The following PDE1A variants were observed in gnomAD, a reference collection of about 807,000 sequenced individuals.
PDE1A encodes phosphodiesterase 1A.
In PDE1A, 35 loss-of-function variants were observed where a neutral mutation model predicts 61.7. That is an observed-to-expected ratio of 0.57 (90% CI 0.43 to 0.75). PDE1A has a LOEUF of 0.75. PDE1A is among the 30% of genes least tolerant of loss of function. The pLI, the probability that PDE1A is intolerant of heterozygous loss-of-function variation, is 0.00. For synonymous variants in PDE1A, 232 were observed against 213.2 expected, an observed-to-expected ratio of 1.09 and a Z score of -0.77; for missense variants, 597 against 630.6, an observed-to-expected ratio of 0.95 and a Z score of 0.57.
chr2:182,649,050 G>C, the PDE1A span, among the ~76,000 whole-genome samples: 2 of 152,156 alleles, frequency 1.3e-5, no homozygotes, highest in African/African-American at 2.4e-5. Flanking sequence ...AAATTGTGAG[G>C]TGTGTGTAAG....
At chr2:182,373,489 A>C (rs1481868876) in intron 1 of PDE1A, among the ~76,000 whole-genome samples, 2 of 152,228 alleles carry the variant, frequency 1.3e-5, no homozygotes, top group Non-Finnish European at 2.9e-5. Context: ...TGGTGGGCTT[A>C]AAAACAGAAA....
At chr2:182,364,178 G>A (rs1699677057) in intron 1 of PDE1A, among the ~76,000 whole-genome samples, 2 of 151,812 alleles carry the variant, frequency 1.3e-5, no homozygotes, top group Admixed American at 6.6e-5. Context: ...GCTTCTTCAA[G>A]GTAACTCTGG....
At chr2:182,169,731 A>G (rs1037567958) in intron 13 of PDE1A, among the ~76,000 whole-genome samples, 5 of 152,032 alleles carry the variant, frequency 3.3e-5, no homozygotes, top group Non-Finnish European at 7.4e-5. Context: ...CTGATAATTC[A>G]TCTTCCTACC....
At chr2:182,449,087 A>ACAC (rs1460786874) in intron 2 of PDE1A, among the ~76,000 whole-genome samples, 8,946 of 140,744 alleles carry the variant, frequency 0.064, 345 homozygotes, top group African/African-American at 0.1. Context: ...CACACACACA[A>ACAC]ACAAAACCCA....
At chr2:182,451,018 A>G (rs1180606226) in intron 2 of PDE1A, among the ~76,000 whole-genome samples, 3 of 152,110 alleles carry the variant, frequency 2.0e-5, no homozygotes, top group Non-Finnish European at 4.4e-5. Flanking sequence ...TTGGGTTCTG[A>G]GTCTCATTTA....
the PDE1A span, among the ~76,000 whole-genome samples, chr2:182,541,133 T>C: frequency 6.6e-6 from 1 of 152,132 alleles, no homozygotes; most frequent in East Asian, 1.9e-4. Context: ...TATACAACAA[T>C]ATCTAATCTA....
At chr2:182,171,830 T>C (rs1306264314) in intron 13 of PDE1A, among the ~76,000 whole-genome samples, 1 of 151,398 alleles carries the variant, frequency 6.6e-6, no homozygotes. Context: ...AAGACTTAGC[T>C]TACTCTGCCC....
intron 1 of PDE1A, among the ~76,000 whole-genome samples, chr2:182,396,700 G>A (rs1350902793): frequency 6.6e-6 from 1 of 152,032 alleles, no homozygotes; most frequent in Non-Finnish European, 1.5e-5. Flanking sequence ...TAGCATTTAG[G>A]TTAAGGATTA....
At chr2:182,374,751 C>A (rs796928186) in intron 1 of PDE1A, among the ~76,000 whole-genome samples, 1 of 152,286 alleles carries the variant, frequency 6.6e-6, no homozygotes, top group African/African-American at 2.4e-5. Flanking sequence ...AAGGGAAATA[C>A]AAATTAAATC....
At chr2:182,610,944 T>C in the PDE1A span, among the ~76,000 whole-genome samples, 2 of 152,188 alleles carry the variant, frequency 1.3e-5, no homozygotes, top group Non-Finnish European at 2.9e-5. Flanking sequence ...ATACAAAATG[T>C]AAAAAACACA....
chr2:182,243,206 G>A (rs1574127100), intron 2 of PDE1A, among the ~76,000 whole-genome samples: 1 of 151,942 alleles, frequency 6.6e-6, no homozygotes, highest in South Asian at 2.1e-4. Flanking sequence ...ACTAAATGAA[G>A]TGATTAAAAA....
chr2:182,565,464 CT>C, the PDE1A span, among the ~76,000 whole-genome samples: 1 of 152,148 alleles, frequency 6.6e-6, no homozygotes, highest in Non-Finnish European at 1.5e-5. Flanking sequence ...TCTGCCCCTA[CT>C]GGGGGGTGCC....
intron 2 of PDE1A, among the ~76,000 whole-genome samples, chr2:182,493,842 A>G (rs979328526): frequency 2.6e-5 from 4 of 152,130 alleles, no homozygotes; most frequent in African/African-American, 7.2e-5. Flanking sequence ...ACCAAACACC[A>G]CATGTTAGGC....
intron 1 of PDE1A, among the ~76,000 whole-genome samples, chr2:182,295,136 G>A (rs1238417581): frequency 2.2e-5 from 3 of 134,652 alleles, no homozygotes; most frequent in Non-Finnish European, 4.6e-5. Flanking sequence ...CTGCAGTGGC[G>A]CAATCTCGGC....
chr2:182,262,243 C>CT (rs926669674), intron 2 of PDE1A, among the ~76,000 whole-genome samples: 2 of 63,432 alleles, frequency 3.2e-5, no homozygotes, highest in African/African-American at 7.4e-5. Context: ...TTTCTTTCTT[C>CT]TTTTTTTATT....
At chr2:182,342,972 C>T (rs1370665) in intron 1 of PDE1A, among the ~76,000 whole-genome samples, 54,126 of 152,072 alleles carry the variant, frequency 0.36, 10,751 homozygotes, top group Middle Eastern at 0.48. Context: ...TATGCACATA[C>T]ATGCGTTCAC....
chr2:182,413,092 G>A (rs898785951), intron 1 of PDE1A, among the ~76,000 whole-genome samples: 2 of 152,130 alleles, frequency 1.3e-5, no homozygotes, highest in African/African-American at 4.8e-5. Context: ...GCGTAAGACA[G>A]GTCCTAGGAG....
chr2:182,575,287 C>A, the PDE1A span, among the ~76,000 whole-genome samples: 1 of 152,014 alleles, frequency 6.6e-6, no homozygotes, highest in Non-Finnish European at 1.5e-5. Flanking sequence ...TCCACGAATT[C>A]TCTTCCTTAC....
At chr2:182,596,388 C>T in the PDE1A span, among the ~76,000 whole-genome samples, 2 of 152,138 alleles carry the variant, frequency 1.3e-5, no homozygotes, top group Non-Finnish European at 2.9e-5. Flanking sequence ...ATGAGACATA[C>T]CTTCCCCCAG....
Sources: allele counts gnomAD v4.1 joint callset (sites outside exome capture counted in the v4.1 genomes callset), GRCh38; gene constraint gnomAD v4.1.1; transcripts MANE v1.5; gene names NCBI Gene and HGNC (gene_info 2026-07-23, HGNC 2026-07-21).